TBC1D22A: variants seen among roughly 807,000 people sequenced by gnomAD.
The protein encoded by TBC1D22A is putative GTPase activator.
Under a neutral mutation model 60.2 loss-of-function variants are expected in TBC1D22A, and 38 were observed. The ratio of observed to expected loss-of-function variants is 0.63; its 90% CI spans 0.49 to 0.83. TBC1D22A has a LOEUF of 0.83. Ranked by LOEUF, TBC1D22A falls within the 40% of genes least tolerant of loss-of-function variation. TBC1D22A has a pLI of 0.00. For synonymous variants in TBC1D22A, 302 were observed against 281.7 expected, an observed-to-expected ratio of 1.07 and a Z score of -0.72; for missense variants, 628 against 701.0, an observed-to-expected ratio of 0.90 and a Z score of 1.18.
At chr22:47,108,200 G>C (rs1321578007) in intron 11 of TBC1D22A, among the ~76,000 whole-genome samples, 1 of 152,214 alleles carries the variant, frequency 6.6e-6, no homozygotes, top group South Asian at 2.1e-4. Flanking sequence ...CTATTCCTAA[G>C]TATTTATCCA....
intron 4 of TBC1D22A, among the ~76,000 whole-genome samples, chr22:46,818,176 A>C (rs1296200861): frequency 6.6e-6 from 1 of 152,090 alleles, no homozygotes; most frequent in Non-Finnish European, 1.5e-5. Flanking sequence ...AGATTGCAAA[A>C]ATTTTCTCCC....
At chr22:47,138,522 C>T (rs1189772490) in intron 12 of TBC1D22A, among the ~76,000 whole-genome samples, 3 of 152,240 alleles carry the variant, frequency 2.0e-5, no homozygotes, top group Non-Finnish European at 2.9e-5. Flanking sequence ...CCCAGCCAGC[C>T]TCCCTAGTGA....
At chr22:46,901,508 A>G (rs1450739613) in intron 7 of TBC1D22A, among the ~76,000 whole-genome samples, 2 of 152,242 alleles carry the variant, frequency 1.3e-5, no homozygotes, top group African/African-American at 4.8e-5. Context: ...AATGAGGTGA[A>G]TGTTGAGTAA....
chr22:46,984,942 C>T (rs1273462306), intron 9 of TBC1D22A, among the ~76,000 whole-genome samples: 5 of 152,160 alleles, frequency 3.3e-5, no homozygotes, highest in Non-Finnish European at 7.3e-5. Flanking sequence ...GAAGCCCTGT[C>T]CTGCACACTA....
chr22:47,016,131 C>T (rs1316110785), intron 10 of TBC1D22A, among the ~76,000 whole-genome samples: 1 of 152,174 alleles, frequency 6.6e-6, no homozygotes, highest in Non-Finnish European at 1.5e-5. Flanking sequence ...TGCCAGGGTG[C>T]CTGGTTGTTA....
chr22:46,932,544 G>T (rs1057234079), intron 8 of TBC1D22A, among the ~76,000 whole-genome samples: 5 of 152,086 alleles, frequency 3.3e-5, no homozygotes, highest in African/African-American at 1.2e-4. Context: ...GAAGTAGGAA[G>T]TTTACTTCAT....
intron 11 of TBC1D22A, among the ~76,000 whole-genome samples, chr22:47,078,583 G>A (rs759886482): frequency 2.0e-5 from 3 of 152,260 alleles, no homozygotes; most frequent in Non-Finnish European, 4.4e-5. Flanking sequence ...ACGCAGTGCC[G>A]TGTCACAGGC....
At chr22:46,826,146 G>T (rs2086055461) in intron 4 of TBC1D22A, among the ~76,000 whole-genome samples, 2 of 152,298 alleles carry the variant, frequency 1.3e-5, no homozygotes, top group South Asian at 4.1e-4. Flanking sequence ...CTCCCAAAGT[G>T]CTGGGATTAT....
intron 12 of TBC1D22A, among the ~76,000 whole-genome samples, chr22:47,143,411 G>A (rs1277499310): frequency 2.0e-5 from 3 of 152,212 alleles, no homozygotes; most frequent in Non-Finnish European, 4.4e-5. Flanking sequence ...GATTTTACTG[G>A]AATTAGGAAG....
chr22:46,915,919 T>C, intron 8 of TBC1D22A: 2 of 449,424 alleles, frequency 4.5e-6, no homozygotes, highest in South Asian at 3.2e-5. Flanking sequence ...CTGCACATGC[T>C]GGCACTCAGA....
At chr22:46,780,934 G>GT (rs1045388779) in intron 1 of TBC1D22A, among the ~76,000 whole-genome samples, 27 of 152,246 alleles carry the variant, frequency 1.8e-4, no homozygotes, top group African/African-American at 6.3e-4. Flanking sequence ...TTTGTTTATT[G>GT]TTTTTTTAAA....
chr22:47,054,277 G>A (rs1049214864), intron 11 of TBC1D22A, among the ~76,000 whole-genome samples: 2 of 152,260 alleles, frequency 1.3e-5, no homozygotes, highest in African/African-American at 4.8e-5. Flanking sequence ...TCTTGGCCAA[G>A]TTAGAAACGA....
intron 10 of TBC1D22A, among the ~76,000 whole-genome samples, chr22:47,017,350 G>T (rs558852235): frequency 6.6e-6 from 1 of 152,320 alleles, no homozygotes; most frequent in East Asian, 1.9e-4. Flanking sequence ...TAAGCCCAAG[G>T]CTGCGGTCTC....
chr22:46,784,249 G>T (rs1457315310), intron 1 of TBC1D22A, among the ~76,000 whole-genome samples: 1 of 152,050 alleles, frequency 6.6e-6, no homozygotes, highest in East Asian at 1.9e-4. Context: ...TCACTATGTT[G>T]CCCAGGCTAG....
chr22:46,986,820 T>A (rs1429572592), intron 9 of TBC1D22A, among the ~76,000 whole-genome samples: 1 of 152,206 alleles, frequency 6.6e-6, no homozygotes, highest in Non-Finnish European at 1.5e-5. Context: ...CATGCCTTTG[T>A]GCTCTCGGGC....
At position 46,883,499 on chromosome 22, in the gene TBC1D22A, CG is replaced by C. The variant is rs2037705207; in HGVS notation, c.708+4777del. Among the ~76,000 whole-genome samples the C allele has an allele frequency of 5.9e-5, 9 of 152,268 alleles. No individual in the cohort carries two copies. The South Asian group carries it at 1.7e-3, about 28-fold the overall frequency. ...TTTAGGGATGGGAGTGTCAGGAGCA[CG>C]TGTAGGGTTTTTATTGCCTGCATTC... On this transcript the variant is annotated intron_variant, in intron 5 of 12. Coordinates refer to ENST00000337137, the MANE Select transcript of TBC1D22A (RefSeq NM_014346.5).
chr22:46,825,857 C>T (rs2086031740), intron 4 of TBC1D22A, among the ~76,000 whole-genome samples: 1 of 151,478 alleles, frequency 6.6e-6, no homozygotes, highest in Non-Finnish European at 1.5e-5. Flanking sequence ...AGAAGTTCAC[C>T]TGGGTGATGA....
chr22:46,965,732 C>T (rs143692224), intron 8 of TBC1D22A, among the ~76,000 whole-genome samples: 5 of 152,346 alleles, frequency 3.3e-5, no homozygotes, highest in East Asian at 1.9e-4. Context: ...TCTGCCTCAT[C>T]CCGTCCCTGT....
chr22:47,009,331 A>G lies in TBC1D22A; in HGVS notation c.1201+11622A>G, dbSNP rs2061683036. Among the ~76,000 whole-genome samples, 2 of 151,708 alleles carry G rather than the reference A, an allele frequency of 1.3e-5. No individual in the cohort carries two copies. Among genetic ancestry groups the G allele is most frequent in the South Asian group, 4.2e-4 (2 of 4,794 alleles). ...TCACCACCATCATGTCATCATCACC[A>G]TCATTATGTCATCACCACCATCATC... On this transcript the variant is annotated intron_variant, in intron 10 of 12. Coordinates refer to ENST00000337137, the MANE Select transcript of TBC1D22A (RefSeq NM_014346.5). The surrounding 1 kb of genome is among the most constrained non-coding windows in gnomAD (Gnocchi z 5.8).
Sources: gnomAD v4.1 joint callset for allele counts (sites outside exome capture counted in the v4.1 genomes callset) on GRCh38, gnomAD v4.1.1 for gene constraint, Gnocchi (gnomAD v3.1) non-coding constraint, MANE v1.5 for transcripts, NCBI Gene and HGNC (gene_info 2026-07-23, HGNC 2026-07-21) for gene names.